The following PTPN7 variants were observed in gnomAD, a reference collection of about 807,000 sequenced individuals.
PTPN7 encodes tyrosine-protein phosphatase non-receptor type 7.
PTPN7 carries 33 observed loss-of-function variants against 50.3 expected under a neutral mutation model. That is an observed-to-expected ratio of 0.66 (90% CI 0.50 to 0.88). The LOEUF is 0.88. Among genes scored for constraint, PTPN7 ranks in the 40% least tolerant of loss-of-function variants. The probability of loss-of-function intolerance (pLI) is 0.00; values close to 1 mark genes in which losing one functional copy is unlikely to be tolerated. For synonymous variants in PTPN7, 185 were observed against 186.6 expected, an observed-to-expected ratio of 0.99 and a Z score of 0.07; for missense variants, 412 against 475.4, an observed-to-expected ratio of 0.87 and a Z score of 1.24.
rs202223126 is a variant in PTPN7 at position 202,148,590 on chromosome 1, C to G, written c.*16G>C. ...TGAGGGAGGTAGGCACCTGGGCCAC[C>G]GGAGGGTGGCAGGGGTCAGGGGCTG... is the stretch of plus-strand genomic sequence containing the variant. On this transcript the variant is annotated 3_prime_UTR_variant, in exon 10 of 10. Coordinates refer to ENST00000691036, the MANE Select transcript of PTPN7 (RefSeq NM_002832.4). 6.2e-7 allele frequency: 1 copy of G among 1,611,476 alleles called. No individual in the cohort carries two copies. Among genetic ancestry groups the G allele is most frequent in the Non-Finnish European group, 8.5e-7 (1 of 1,178,174 alleles).
rs1355786366 is a variant in PTPN7 at position 202,159,367 on chromosome 1, C to T, written c.36G>A (p.Gln12=). The T allele has an allele frequency of 4.3e-6, 7 of 1,614,120 alleles. No homozygotes were observed. The highest frequency in any genetic ancestry group is 2.2e-5 in the East Asian group (1 of 44,888). The change falls in exon 2 of 10, where the codon CAG becomes CAA. Residue 12 remains glutamine (Q), a synonymous_variant. Coordinates refer to ENST00000691036, the MANE Select transcript of PTPN7 (RefSeq NM_002832.4). This position sits in a 1 kb window ranked among gnomAD's most constrained non-coding sequence, Gnocchi z 4.6. ...CTGCCCCCAAAGACAAGGTCAACGGCTGTGCTCTGGAGCGCCCCCCATGGG... is the reference window on the plus strand; with the variant it reads ...CTGCCCCCAAAGACAAGGTCAACGGTTGTGCTCTGGAGCGCCCCCCATGGG... ...VQAHGGRSRA[Q]PLTLSLGAAM...
At chr1:202,150,176 C>G (rs1050902149) in intron 9 of PTPN7, 135 bp downstream of exon 9, 12 of 679,964 alleles carry the variant, frequency 1.8e-5, no homozygotes, top group Non-Finnish European at 3.0e-5. Context: ...GTAAAATAAA[C>G]AGCTCTAAGC....
chr1:202,153,682 G>T, intron 7 of PTPN7, 43 bp downstream of exon 7: 1 of 1,503,040 alleles, frequency 6.7e-7, no homozygotes, highest in Non-Finnish European at 9.3e-7. Context: ...GATGCTGTGG[G>T]CGGCCCAACT....
At chr1:202,156,153 A>T (rs1284825816) in intron 4 of PTPN7, among the ~76,000 whole-genome samples, 1 of 152,202 alleles carries the variant, frequency 6.6e-6, no homozygotes, top group Non-Finnish European at 1.5e-5. Context: ...TCAAAACAAT[A>T]GTTTGGGAAG....
In PTPN7 at chr1:202,158,129, C is replaced by A; in HGVS notation, c.295G>T (p.Glu99Ter). The A allele has an allele frequency of 6.3e-7, 1 of 1,594,150 alleles. No homozygotes were observed. The highest frequency in any genetic ancestry group is 8.5e-7 in the Non-Finnish European group (1 of 1,171,092). ...CCCCAATTTCTTACCAAGAATTCTTCTTCCAGTTGCTTGGGGCTGGGTGGC... is the reference window on the plus strand; with the variant it reads ...CCCCAATTTCTTACCAAGAATTCTTATTCCAGTTGCTTGGGGCTGGGTGGC... ...RQPPSPKQLE[E>*]EFLKIPSNFV... The change falls in exon 3 of 10, where the codon GAA (glutamate) becomes TAA (stop). Residue 99 changes from glutamate (E) to a stop codon, truncating the protein, a stop_gained. Transcript: ENST00000691036. LOFTEE classifies it high-confidence loss of function.
chr1:202,155,201 CG>C (rs1656518199), intron 5 of PTPN7, among the ~76,000 whole-genome samples: 1 of 152,108 alleles, frequency 6.6e-6, no homozygotes, highest in Admixed American at 6.6e-5. Context: ...ATGCAGTTCT[CG>C]GGAGCTGTGA....
chr1:202,149,829 G>GTTTTTTTTTTTTTTTTTTTTTTTTTT, intron 9 of PTPN7: 1 of 92,914 alleles, frequency 1.1e-5, no homozygotes, highest in Non-Finnish European at 2.1e-5. Context: ...TCTTTTTTTT[G>GTTTTTTTTTTTTTTTTTTTTTTTTTT]TTTTTTTTTT....
Position 202,159,301 on chromosome 1 carries a change from C to A in PTPN7, c.102G>T (p.Lys34Asn), listed in dbSNP as rs763236242. The A allele has an allele frequency of 1.2e-6, 2 of 1,614,080 alleles. No homozygotes were observed. Among genetic ancestry groups the A allele is most frequent in the African/African-American group, 2.7e-5 (2 of 74,924 alleles). ...CTCACCTCTCCTGCAGTCGCACATG[C>A]TTCTTGGCTGGCGTTTTTTCAGGCG... The part of the protein sequence containing the change: ...QPPPEKTPAK[K>N]HVRLQERRGS... The change falls in exon 2 of 10, where the codon AAG becomes AAT. Residue 34 changes from lysine to asparagine, a missense_variant. Lys to Asn is a moderately conservative substitution (Grantham distance 94). Transcript: ENST00000691036. This position sits in a 1 kb window ranked among gnomAD's most constrained non-coding sequence, Gnocchi z 4.6.
chr1:202,153,140 C>G (rs1312159673), intron 7 of PTPN7, among the ~76,000 whole-genome samples: 2 of 152,120 alleles, frequency 1.3e-5, no homozygotes, highest in Non-Finnish European at 2.9e-5. Flanking sequence ...TTCCACATCT[C>G]TTTCTCTTTT....
Position 202,158,246 on chromosome 1 carries a change from G to A in PTPN7, c.178C>T (p.Pro60Ser), listed in dbSNP as rs1038260969. ...CGGGGTGTGTTCACAGAGCAGATGG[G>A]TTCTACGGCCCCCAGGGACCGAACG... The part of the protein sequence containing the change: ...LDVRSLGAVE[P>S]ICSVNTPREV... Residue 60 changes from proline (P) to serine (S), a missense_variant, in exon 3 of 10, where the codon CCC (proline) becomes TCC (serine). Transcript: ENST00000691036. 1.2e-6 allele frequency: 2 copies of A among 1,614,016 alleles called. No individual in the cohort carries two copies. Among genetic ancestry groups the A allele is most frequent in the Non-Finnish European group, 1.7e-6 (2 of 1,180,024 alleles).
Position 202,159,048 on chromosome 1 carries a change from C to T in PTPN7, c.122+233G>A. 1.8e-6 allele frequency: 1 copy of T among 559,418 alleles called. No homozygotes were observed. Among genetic ancestry groups the T allele is most frequent in the South Asian group, 2.2e-5 (1 of 45,654 alleles). The allele number at this position is 559,418 out of a possible 1,614,324, so 34.7% of individuals were successfully genotyped here. ...CGACATGCATCCAGCACCAAGAAGG[C>T]TGTGGGCCTTGCCTGGAATTTAGGG... On this transcript the variant is annotated intron_variant, in intron 2 of 9. Coordinates refer to ENST00000691036, the MANE Select transcript of PTPN7 (RefSeq NM_002832.4). The surrounding 1 kb of genome is among the most constrained non-coding windows in gnomAD (Gnocchi z 4.6).
At chr1:202,158,045 T>G in intron 3 of PTPN7, 73 bp downstream of exon 3, 197 of 1,472,468 alleles carry the variant, frequency 1.3e-4, no homozygotes, top group Middle Eastern at 2.3e-4. Context: ...AGGGTGCCCG[T>G]GAGAGAATGG....
intron 2 of PTPN7, chr1:202,158,531 A>G: frequency 2.2e-6 from 1 of 462,428 alleles, no homozygotes; most frequent in Non-Finnish European, 3.8e-6. Context: ...TGGCTAATTT[A>G]AGTTTTTTTT....
At chr1:202,161,561 G>A (rs1657376131), upstream of PTPN7, 2 of 1,285,876 alleles carry the variant, frequency 1.6e-6, no homozygotes, top group Non-Finnish European at 2.0e-6. Context: ...GCCGGTTCAT[G>A]CTCGCTGCAC....
At chr1:202,158,524 C>A in intron 2 of PTPN7, 2 of 479,536 alleles carry the variant, frequency 4.2e-6, no homozygotes, top group East Asian at 3.6e-5. Flanking sequence ...CCACACCTGG[C>A]TAATTTAAGT....
intron 5 of PTPN7, among the ~76,000 whole-genome samples, chr1:202,154,667 C>T (rs1051549310): frequency 2.0e-5 from 3 of 152,182 alleles, no homozygotes; most frequent in Non-Finnish European, 4.4e-5. Flanking sequence ...AGAGTCTAGC[C>T]GATAGCAAGT....
Position 202,148,211 on chromosome 1 carries a change from C to T in PTPN7, c.*395G>A, listed in dbSNP as rs888878541. ...CTAGAAACTTCTCTCATTACTTTTC[C>T]CTCATGGCAGCTAAGCACTTATGTT... On this transcript the variant is annotated 3_prime_UTR_variant, in exon 10 of 10. Transcript: ENST00000691036. 4 of 159,920 alleles carry T rather than the reference C, an allele frequency of 2.5e-5. No homozygotes were observed. Among genetic ancestry groups the T allele is most frequent in the Non-Finnish European group, 5.4e-5 (4 of 73,460 alleles). 9.9% of individuals were successfully genotyped at this position (159,920 alleles called of 1,614,324 possible).
rs878878951 is a variant in PTPN7 at position 202,154,451 on chromosome 1, C to T, written c.469-128G>A. The T allele has an allele frequency of 1.6e-4, 173 of 1,062,380 alleles. 1 individual carries two copies. The South Asian group carries it at 2.4e-3, about 15-fold the overall frequency. 65.8% of individuals were successfully genotyped at this position (1,062,380 alleles called of 1,614,324 possible). ...CCACACGTGTAGACGTACACATGCA[C>T]GAACACGCACACTCAGAAGCCACAT... On this transcript the variant is annotated intron_variant, in intron 5 of 9. Coordinates refer to ENST00000691036, the MANE Select transcript of PTPN7 (RefSeq NM_002832.4).
chr1:202,150,873 C>T (rs915332593), intron 8 of PTPN7, among the ~76,000 whole-genome samples: 3 of 152,098 alleles, frequency 2.0e-5, no homozygotes, highest in Non-Finnish European at 4.4e-5. Flanking sequence ...CTCCCACAGT[C>T]TTCTCTCCAC....
Sources: allele counts gnomAD v4.1 joint callset (sites outside exome capture counted in the v4.1 genomes callset), GRCh38; gene constraint gnomAD v4.1.1; non-coding constraint Gnocchi (gnomAD v3.1); transcripts MANE v1.5; gene names NCBI Gene and HGNC (gene_info 2026-07-23, HGNC 2026-07-21).